Variants in RBFOX2 observed in about 807,000 individuals in gnomAD.
RBFOX2 encodes the protein RNA binding protein fox-1 homolog 2.
A neutral mutation model predicts 49.1 loss-of-function variants in RBFOX2; 10 were observed. The observed-to-expected ratio is 0.20, with a 90% CI of 0.13 to 0.35. The LOEUF (loss-of-function observed/expected upper bound fraction) is 0.35, where lower values mean the gene tolerates loss of function less well. RBFOX2 is among the 10% of genes least tolerant of loss of function. RBFOX2 has a pLI of 1.00. For missense variants in RBFOX2, 323 were observed against 486.9 expected, an observed-to-expected ratio of 0.66 and a Z score of 3.17; for synonymous variants, 183 against 187.4, an observed-to-expected ratio of 0.98 and a Z score of 0.19.
chr22:35,836,307 A>G (rs1367710002), intron 1 of RBFOX2: 1 of 152,282 alleles, frequency 6.6e-6, no homozygotes. Flanking sequence ...AAATGAAACA[A>G]AGCAAAACAT....
intron 6 of RBFOX2, among the ~76,000 whole-genome samples, chr22:35,762,469 C>T (rs930955824): frequency 2.0e-5 from 3 of 149,016 alleles, no homozygotes; most frequent in Non-Finnish European, 4.4e-5. Context: ...TATAAATATA[C>T]GAATGAAAAG....
chr22:35,754,430 T>C (rs1295652753), intron 9 of RBFOX2, among the ~76,000 whole-genome samples: 2 of 152,188 alleles, frequency 1.3e-5, no homozygotes, highest in Admixed American at 6.5e-5. Context: ...ATAGGTTGTA[T>C]TTAAGAAAAA....
At chr22:35,958,301 A>G (rs2055819147) in intron 1 of RBFOX2, among the ~76,000 whole-genome samples, 1 of 152,178 alleles carries the variant, frequency 6.6e-6, no homozygotes, top group Non-Finnish European at 1.5e-5. Flanking sequence ...TCTATAAAAT[A>G]TATGTGATCA....
chr22:35,897,863 A>G, intron 1 of RBFOX2: 1 of 735,428 alleles, frequency 1.4e-6, no homozygotes, highest in Non-Finnish European at 2.5e-6. Context: ...TTCTTTCTCA[A>G]ATATCTAGAA....
At chr22:35,965,407 G>T (rs1799113155), upstream of RBFOX2, among the ~76,000 whole-genome samples, 1 of 151,976 alleles carries the variant, frequency 6.6e-6, no homozygotes. Flanking sequence ...TAAAAGGGGG[G>T]AAAAAAATTA....
At chr22:35,932,643 G>A (rs1053619091) in intron 1 of RBFOX2, among the ~76,000 whole-genome samples, 2 of 152,350 alleles carry the variant, frequency 1.3e-5, no homozygotes, top group African/African-American at 4.8e-5. Flanking sequence ...CACTTTGGGA[G>A]GCTGAGGTGA....
chr22:35,841,437 C>T (rs1395212720), upstream of RBFOX2, among the ~76,000 whole-genome samples: 1 of 152,030 alleles, frequency 6.6e-6, no homozygotes, highest in African/African-American at 2.4e-5. Flanking sequence ...TCTAATTCTG[C>T]CCTTTACTAG....
chr22:35,937,957 CT>C (rs1374529524), intron 1 of RBFOX2, among the ~76,000 whole-genome samples: 2 of 152,142 alleles, frequency 1.3e-5, no homozygotes, highest in African/African-American at 4.8e-5. Context: ...GGAAAGGACA[CT>C]ATGAACTCTT....
intron 8 of RBFOX2, 157 bp from the exon 10 acceptor site, chr22:35,760,177 G>T: frequency 2.2e-6 from 2 of 909,470 alleles, no homozygotes; most frequent in Non-Finnish European, 3.3e-6. Context: ...GTTCTACCCT[G>T]GGTCTCTCAG....
intron 1 of RBFOX2, among the ~76,000 whole-genome samples, chr22:35,884,559 C>T (rs1205745662): frequency 1.3e-5 from 2 of 152,148 alleles, no homozygotes; most frequent in Non-Finnish European, 2.9e-5. Flanking sequence ...GCTCTTGGGC[C>T]TTCCCACAAG....
At chr22:35,875,357 C>T (rs1249823579) in intron 1 of RBFOX2, among the ~76,000 whole-genome samples, 1 of 152,108 alleles carries the variant, frequency 6.6e-6, no homozygotes, top group Non-Finnish European at 1.5e-5. Context: ...TGTACTCACT[C>T]ACTCCCTCTT....
chr22:35,864,790 A>G (rs765752925), intron 1 of RBFOX2, among the ~76,000 whole-genome samples: 24 of 152,190 alleles, frequency 1.6e-4, no homozygotes, highest in Non-Finnish European at 2.6e-4. Context: ...CTAAGAAATG[A>G]CTTTTTGTTC....
At chr22:35,958,184 T>C (rs755357387) in intron 1 of RBFOX2, among the ~76,000 whole-genome samples, 3 of 152,216 alleles carry the variant, frequency 2.0e-5, no homozygotes, top group Non-Finnish European at 2.9e-5. Flanking sequence ...AACAGTCTCT[T>C]CACTCACATT....
rs778172905 is a variant in RBFOX2, at chr22:35,809,748, T to C, written c.252+32A>G. ...ACAATTTCTATATGATTGCCATGCA[T>C]CCTTCCATTTTTCACCTCATGGTCC... On this transcript the variant is annotated intron_variant, in intron 2 of 11. Coordinates refer to ENST00000405409, the Ensembl canonical transcript of RBFOX2. 9 of 1,595,100 alleles carry C rather than the reference T, an allele frequency of 5.6e-6. No homozygotes were observed. The African/African-American group carries it at 6.7e-5, about 12-fold the overall frequency.
chr22:35,839,574 T>G (rs1007467130), intron 1 of RBFOX2, among the ~76,000 whole-genome samples: 8 of 152,238 alleles, frequency 5.3e-5, no homozygotes, highest in Non-Finnish European at 1.2e-4. Flanking sequence ...GATTTATACA[T>G]TCAGATTCGT....
Position 36,021,118 on chromosome 22 carries a change from C to G in RBFOX2, c.186+7122G>C, listed in dbSNP as rs528911579. ...GTAGGAACATGGATGAAGCTGGAAA[C>G]CATCATTCTGAGCAAACTATCACAA... On this transcript the variant is annotated intron_variant, in intron 1 of 13. Transcript: ENST00000438146. 1.5e-4 allele frequency among the ~76,000 whole-genome samples: 23 copies of G among 151,792 alleles called. No homozygotes were observed. In the East Asian group the frequency reaches 3.7e-3, roughly 24 times the overall value.
Position 35,997,516 on chromosome 22 carries a change from T to C in RBFOX2, c.186+30724A>G, listed in dbSNP as rs572973860. 10 of 152,368 alleles carry C rather than the reference T, an allele frequency of 6.6e-5. 1 individual carries two copies. The highest frequency in any genetic ancestry group is 2.4e-4 in the African/African-American group (10 of 41,584). 9.4% of individuals were successfully genotyped at this position (152,368 alleles called of 1,614,324 possible). On this transcript the variant is annotated intron_variant, in intron 1 of 13. Transcript: ENST00000438146. Reference sequence around the variant, plus strand: ...TATTTCTTCCACAAATATTTTTAAATACTGTATTTACATTCCATCTCATTT... The same window carrying C: ...TATTTCTTCCACAAATATTTTTAAACACTGTATTTACATTCCATCTCATTT...
intron 1 of RBFOX2, among the ~76,000 whole-genome samples, chr22:35,960,311 C>T (rs903815901): frequency 6.6e-6 from 1 of 152,112 alleles, no homozygotes; most frequent in Non-Finnish European, 1.5e-5. Flanking sequence ...TCCCATTTTA[C>T]ACATGAGGAA....
At chr22:35,747,711 A>G (rs918016613) in intron 9 of RBFOX2, 2 of 152,226 alleles carry the variant, frequency 1.3e-5, no homozygotes, top group Non-Finnish European at 2.9e-5. Flanking sequence ...TTGGCCTTTC[A>G]CTATCAAAAA....
Sources: allele counts gnomAD v4.1 joint callset (sites outside exome capture counted in the v4.1 genomes callset), GRCh38; gene constraint gnomAD v4.1.1; transcripts MANE v1.5; gene names NCBI Gene and HGNC (gene_info 2026-07-23, HGNC 2026-07-21).